The following DCC variants were observed in gnomAD, a reference collection of about 807,000 sequenced individuals.
DCC encodes netrin receptor DCC.
Under a neutral mutation model 172.5 loss-of-function variants are expected in DCC, and 58 were observed. That is an observed-to-expected ratio of 0.34 (90% CI 0.27 to 0.42). The LOEUF is 0.42. Ranked by LOEUF, DCC falls within the 10% of genes least tolerant of loss-of-function variation. The pLI, the probability that DCC is intolerant of heterozygous loss-of-function variation, is 1.00. For missense variants in DCC, 1,740 were observed against 1,791.0 expected (o/e 0.97, Z 0.51); for synonymous variants, 709 against 644.5 (o/e 1.10, Z -1.52).
chr18:53,394,526 TATG>T lies in DCC; in HGVS notation c.2688+2643_2688+2645del, dbSNP rs1237774888. 2.6e-5 allele frequency among the ~76,000 whole-genome samples: 4 copies of T among 152,302 alleles called. No homozygotes were observed. The East Asian group carries it at 7.7e-4, about 29-fold the overall frequency. ...GTTTTTCTATTAAAGTATTTAATCA[TATG>T]ATGTTTTATATGAATTTCTATTCAA... On this transcript the variant is annotated intron_variant, in intron 17 of 28. Coordinates refer to ENST00000442544, the MANE Select transcript of DCC (RefSeq NM_005215.4).
At chr18:52,345,147 A>T (rs1983823800) in intron 1 of DCC, among the ~76,000 whole-genome samples, 1 of 152,230 alleles carries the variant, frequency 6.6e-6, no homozygotes, top group Non-Finnish European at 1.5e-5. Context: ...TCTACCTCAG[A>T]TGATAATCTC....
chr18:52,602,804 C>T (rs985266355), intron 1 of DCC, among the ~76,000 whole-genome samples: 4 of 152,000 alleles, frequency 2.6e-5, no homozygotes, highest in Non-Finnish European at 5.9e-5. Context: ...CAAAGGAATA[C>T]AGTACCTTTT....
intron 1 of DCC, among the ~76,000 whole-genome samples, chr18:52,436,451 G>A (rs1486061620): frequency 3.3e-5 from 5 of 152,182 alleles, no homozygotes; most frequent in Non-Finnish European, 7.3e-5. Flanking sequence ...CTCATGCTTT[G>A]TGGCATTAGC....
intron 1 of DCC, among the ~76,000 whole-genome samples, chr18:52,650,419 T>A (rs917689440): frequency 3.9e-5 from 6 of 152,272 alleles, no homozygotes; most frequent in Admixed American, 2.0e-4. Context: ...TGGGTGATGG[T>A]TACACTAAAA....
At chr18:52,627,882 G>A (rs1451031530) in intron 1 of DCC, among the ~76,000 whole-genome samples, 1 of 152,144 alleles carries the variant, frequency 6.6e-6, no homozygotes, top group African/African-American at 2.4e-5. Context: ...TGACTGGAGA[G>A]TGTCTGCAAT....
chr18:53,480,050 G>A (rs1476213707), intron 25 of DCC, among the ~76,000 whole-genome samples: 1 of 152,108 alleles, frequency 6.6e-6, no homozygotes, highest in East Asian at 1.9e-4. Flanking sequence ...CTTTCCTATG[G>A]CCTCATCTTC....
At chr18:53,397,594 T>G (rs1909036216) in intron 18 of DCC, 148 bp downstream of exon 18, 1 of 838,704 alleles carries the variant, frequency 1.2e-6, no homozygotes, top group Admixed American at 2.2e-5. Context: ...CACTTTTATA[T>G]CTAAGAGTAT....
chr18:52,630,222 T>C (rs1167621258), intron 1 of DCC, among the ~76,000 whole-genome samples: 1 of 152,160 alleles, frequency 6.6e-6, no homozygotes, highest in Non-Finnish European at 1.5e-5. Context: ...CAGTCGTGAT[T>C]GAAAGAAGAT....
At chr18:52,772,542 T>C (rs982429417) in intron 2 of DCC, among the ~76,000 whole-genome samples, 2 of 152,076 alleles carry the variant, frequency 1.3e-5, no homozygotes, top group African/African-American at 4.8e-5. Flanking sequence ...CCATGGGAGG[T>C]CTAATAATAC....
At chr18:53,011,663 C>G (rs1599026379) in intron 5 of DCC, among the ~76,000 whole-genome samples, 1 of 151,844 alleles carries the variant, frequency 6.6e-6, no homozygotes, top group East Asian at 1.9e-4. Context: ...TTTAGAGAAA[C>G]ATGCAGTTTA....
chr18:53,325,036 T>C (rs1477769412), intron 14 of DCC, among the ~76,000 whole-genome samples: 1 of 151,752 alleles, frequency 6.6e-6, no homozygotes, highest in Non-Finnish European at 1.5e-5. Context: ...CTACTAAAAA[T>C]ACAAGAATTA....
chr18:52,410,103 T>C (rs533836409), intron 1 of DCC, among the ~76,000 whole-genome samples: 1 of 152,272 alleles, frequency 6.6e-6, no homozygotes, highest in East Asian at 1.9e-4. Context: ...CAATGAGTTC[T>C]TCCAAAATCT....
At chr18:52,361,041 G>A (rs571221431) in intron 1 of DCC, among the ~76,000 whole-genome samples, 1 of 152,320 alleles carries the variant, frequency 6.6e-6, no homozygotes, top group Admixed American at 6.5e-5. Context: ...TGTCTCACAT[G>A]AGGTCACAGC....
chr18:53,390,582 A>C (rs1204236233), intron 16 of DCC, among the ~76,000 whole-genome samples: 1 of 152,202 alleles, frequency 6.6e-6, no homozygotes, highest in African/African-American at 2.4e-5. Context: ...TATGCACTAC[A>C]TAATATAAAG....
At chr18:53,344,297 A>T (rs2057696382) in intron 15 of DCC, among the ~76,000 whole-genome samples, 1 of 151,986 alleles carries the variant, frequency 6.6e-6, no homozygotes, top group African/African-American at 2.4e-5. Flanking sequence ...TTTTATTACC[A>T]TTTAGTTCAA....
chr18:53,498,961 T>G (rs909285295), intron 26 of DCC, among the ~76,000 whole-genome samples: 7 of 152,214 alleles, frequency 4.6e-5, no homozygotes, highest in Admixed American at 2.6e-4. Flanking sequence ...ACATTGCTAC[T>G]TATGAAAGGA....
rs563685313 is a variant in DCC at position 53,439,925 on chromosome 18, C to A, written c.3229+4716C>A. Reference sequence around the variant, plus strand: ...GACTACAGGCGCCCGCCACTACGCCCGGCTAATTTTTTTGTATTTTTAGTA... The same window carrying A: ...GACTACAGGCGCCCGCCACTACGCCAGGCTAATTTTTTTGTATTTTTAGTA... On this transcript the variant is annotated intron_variant, in intron 22 of 28. Coordinates refer to ENST00000442544, the MANE Select transcript of DCC (RefSeq NM_005215.4). 2.0e-5 allele frequency among the ~76,000 whole-genome samples: 3 copies of A among 151,056 alleles called. No individual in the cohort carries two copies. The South Asian group carries it at 6.3e-4, about 32-fold the overall frequency.
intron 3 of DCC, among the ~76,000 whole-genome samples, chr18:52,908,750 ATGT>A (rs1213671313): frequency 6.6e-6 from 1 of 152,206 alleles, no homozygotes; most frequent in African/African-American, 2.4e-5. Context: ...AATAGAGAAC[ATGT>A]TGTACTTTTG....
At chr18:53,110,155 C>A (rs568166350) in intron 7 of DCC, among the ~76,000 whole-genome samples, 54 of 151,520 alleles carry the variant, frequency 3.6e-4, no homozygotes, top group Non-Finnish European at 6.8e-4. Flanking sequence ...GAGTTAGAAA[C>A]GAAATATTTA....
Sources: gnomAD v4.1 joint callset for allele counts (sites outside exome capture counted in the v4.1 genomes callset) on GRCh38, gnomAD v4.1.1 for gene constraint, MANE v1.5 for transcripts, NCBI Gene and HGNC (gene_info 2026-07-23, HGNC 2026-07-21) for gene names.